CREB5: variants seen among roughly 807,000 people sequenced by gnomAD.
CREB5 encodes the protein cyclic AMP-responsive element-binding protein 5.
Under a neutral mutation model 57.1 loss-of-function variants are expected in CREB5, and 19 were observed. That is an observed-to-expected ratio of 0.33 (90% CI 0.23 to 0.49). CREB5 has a LOEUF of 0.49. CREB5 is among the 20% of genes least tolerant of loss of function. The probability of loss-of-function intolerance (pLI) is 0.99; values close to 1 mark genes in which losing one functional copy is unlikely to be tolerated. For synonymous variants in CREB5, 238 were observed against 238.3 expected, an observed-to-expected ratio of 1.00 and a Z score of 0.01; for missense variants, 579 against 671.6, an observed-to-expected ratio of 0.86 and a Z score of 1.52.
intron 1 of CREB5, among the ~76,000 whole-genome samples, chr7:28,440,582 C>T (rs1394298267): frequency 6.6e-6 from 1 of 152,150 alleles, no homozygotes; most frequent in African/African-American, 2.4e-5. Flanking sequence ...TGGTGGTTTA[C>T]TAGCTTTAGG....
chr7:28,776,290 A>G lies in CREB5; in HGVS notation c.703-27909A>G, dbSNP rs1183222585. Among the ~76,000 whole-genome samples, 6 of 151,036 alleles carry G rather than the reference A, an allele frequency of 4.0e-5. No homozygotes were observed. The South Asian group carries it at 1.3e-3, about 32-fold the overall frequency. On this transcript the variant is annotated intron_variant, in intron 7 of 10. Coordinates refer to ENST00000357727, the MANE Select transcript of CREB5 (RefSeq NM_182898.4). ...GAGGCGGAGCTTACAATGAGCCGAG[A>G]TAGCGCCACTGCACTCCCGCCTGGG... is the stretch of plus-strand genomic sequence containing the variant.
At chr7:28,631,006 T>C (rs931516098) in intron 5 of CREB5, among the ~76,000 whole-genome samples, 1 of 152,086 alleles carries the variant, frequency 6.6e-6, no homozygotes, top group African/African-American at 2.4e-5. Context: ...AGCAAGTAAG[T>C]GGTTAGGCTG....
At chr7:28,438,004 CT>C (rs1789028367) in intron 1 of CREB5, among the ~76,000 whole-genome samples, 1 of 152,114 alleles carries the variant, frequency 6.6e-6, no homozygotes, top group African/African-American at 2.4e-5. Flanking sequence ...TCCAACCAGG[CT>C]TTTCTTCAGG....
In CREB5 at chr7:28,824,621, TAGC is replaced by T. The variant is rs1177691266; in HGVS notation, c.*5343_*5345del. On this transcript the variant is annotated 3_prime_UTR_variant, in exon 11 of 11. Coordinates refer to ENST00000357727, the MANE Select transcript of CREB5 (RefSeq NM_182898.4). Reference sequence around the variant, plus strand: ...AAAGAAATTTAAAAAACAAAAAACCTAGCTCATCATGTTGTGAAAATGAAAAAG... The same window carrying T: ...AAAGAAATTTAAAAAACAAAAAACCTTCATCATGTTGTGAAAATGAAAAAG... The T allele has an allele frequency of 6.6e-6, 1 of 152,596 alleles. No individual in the cohort carries two copies. Among genetic ancestry groups the T allele is most frequent in the African/African-American group, 2.4e-5 (1 of 41,440 alleles). 9.5% of individuals were successfully genotyped at this position (152,596 alleles called of 1,614,324 possible).
intron 7 of CREB5, among the ~76,000 whole-genome samples, chr7:28,763,287 G>C (rs935803508): frequency 2.2e-4 from 33 of 152,140 alleles, no homozygotes; most frequent in African/African-American, 7.7e-4. Flanking sequence ...ATTGTGACGT[G>C]TATATACATT....
intron 1 of CREB5, among the ~76,000 whole-genome samples, chr7:28,309,997 G>C (rs1785247897): frequency 6.6e-6 from 1 of 152,194 alleles, no homozygotes; most frequent in South Asian, 2.1e-4. Flanking sequence ...ACTTTCTACT[G>C]GAGGAGGGAT....
intron 1 of CREB5, among the ~76,000 whole-genome samples, chr7:28,443,250 C>T (rs746473329): frequency 3.3e-5 from 5 of 152,182 alleles, no homozygotes; most frequent in Non-Finnish European, 7.3e-5. Context: ...TGTGGAGTGA[C>T]CCAGGTGGCT....
At chr7:28,776,063 C>T (rs1032362274) in intron 7 of CREB5, among the ~76,000 whole-genome samples, 5 of 151,632 alleles carry the variant, frequency 3.3e-5, no homozygotes, top group Non-Finnish European at 5.9e-5. Flanking sequence ...TGCGGCTGGG[C>T]GCAGTGGCTC....
chr7:28,393,720 G>T (rs749472284), intron 1 of CREB5, among the ~76,000 whole-genome samples: 1 of 152,188 alleles, frequency 6.6e-6, no homozygotes, highest in Non-Finnish European at 1.5e-5. Context: ...GAGATGAGGG[G>T]AGGAATTGGG....
chr7:28,617,238 A>G (rs75203028), intron 5 of CREB5, among the ~76,000 whole-genome samples: 1 of 152,340 alleles, frequency 6.6e-6, no homozygotes, highest in East Asian at 1.9e-4. Context: ...AATTGTTTAT[A>G]TGATAATGTT....
At chr7:28,487,507 T>G (rs1289279152) in intron 1 of CREB5, among the ~76,000 whole-genome samples, 1 of 152,244 alleles carries the variant, frequency 6.6e-6, no homozygotes, top group East Asian at 1.9e-4. Context: ...TCCAACGTTA[T>G]GTTTTTGGCA....
intron 5 of CREB5, among the ~76,000 whole-genome samples, chr7:28,652,736 C>A (rs1799188910): frequency 6.6e-6 from 1 of 152,186 alleles, no homozygotes; most frequent in Non-Finnish European, 1.5e-5. Flanking sequence ...CACATATTCA[C>A]CTGGGAATAA....
chr7:28,606,629 T>A (rs1447988816), intron 5 of CREB5, among the ~76,000 whole-genome samples: 1 of 152,216 alleles, frequency 6.6e-6, no homozygotes, highest in Non-Finnish European at 1.5e-5. Context: ...ATGGCTTTTT[T>A]ATCTATATGC....
intron 1 of CREB5, among the ~76,000 whole-genome samples, chr7:28,413,844 G>C (rs552761874): frequency 2.0e-5 from 3 of 152,182 alleles, no homozygotes; most frequent in South Asian, 4.2e-4. Context: ...TTGTTACAAT[G>C]ATTTGTCAGT....
intron 4 of CREB5, among the ~76,000 whole-genome samples, chr7:28,522,106 C>G (rs1375267933): frequency 6.6e-6 from 1 of 152,044 alleles, no homozygotes; most frequent in East Asian, 1.9e-4. Flanking sequence ...GTTTTTGCCC[C>G]CATTTTACAC....
intron 1 of CREB5, among the ~76,000 whole-genome samples, chr7:28,470,754 T>A (rs1332642229): frequency 6.6e-6 from 1 of 152,226 alleles, no homozygotes; most frequent in Non-Finnish European, 1.5e-5. Flanking sequence ...TGCCTGTCTT[T>A]TGGATATAAG....
At chr7:28,699,551 TC>T (rs999689652) in intron 5 of CREB5, among the ~76,000 whole-genome samples, 2 of 152,190 alleles carry the variant, frequency 1.3e-5, no homozygotes, top group African/African-American at 4.8e-5. Context: ...TTTCAGTACT[TC>T]CAGGGAAGAT....
intron 1 of CREB5, among the ~76,000 whole-genome samples, chr7:28,334,946 T>C (rs1348775828): frequency 1.3e-5 from 2 of 152,340 alleles, no homozygotes; most frequent in Middle Eastern, 6.8e-3. Flanking sequence ...CCCAGCACCA[T>C]TTATTGAAGA....
At chr7:28,628,029 C>G (rs1268109190) in intron 5 of CREB5, among the ~76,000 whole-genome samples, 1 of 152,070 alleles carries the variant, frequency 6.6e-6, no homozygotes, top group African/African-American at 2.4e-5. Flanking sequence ...AGTAATGCCT[C>G]TCTTTTCCAG....
Sources: allele counts gnomAD v4.1 joint callset (sites outside exome capture counted in the v4.1 genomes callset), GRCh38; gene constraint gnomAD v4.1.1; transcripts MANE v1.5; gene names NCBI Gene and HGNC (gene_info 2026-07-23, HGNC 2026-07-21).